Variants in MYLK observed in about 807,000 individuals in gnomAD.
MYLK encodes the protein myosin light chain kinase, smooth muscle.
MYLK carries 106 observed loss-of-function variants against 203.4 expected under a neutral mutation model. The observed-to-expected ratio is 0.52, with a 90% CI of 0.45 to 0.61. The LOEUF (loss-of-function observed/expected upper bound fraction) is 0.61. Ranked by LOEUF, MYLK falls within the 20% of genes least tolerant of loss-of-function variation. The probability of loss-of-function intolerance (pLI) is 0.00; values close to 1 mark genes in which losing one functional copy is unlikely to be tolerated. For synonymous variants in MYLK, 867 were observed against 959.5 expected (o/e 0.90, Z 1.78); for missense variants, 2,072 against 2,442.3 (o/e 0.85, Z 3.20).
intron 18 of MYLK, among the ~76,000 whole-genome samples, chr3:123,697,090 T>C (rs149953465): frequency 3.3e-4 from 51 of 152,328 alleles, no homozygotes; most frequent in African/African-American, 1.2e-3. Flanking sequence ...GCTGTAACAA[T>C]TTTATCACTG....
chr3:123,710,198 A>C (rs1259404896), intron 13 of MYLK, among the ~76,000 whole-genome samples: 1 of 152,210 alleles, frequency 6.6e-6, no homozygotes, highest in African/African-American at 2.4e-5. Context: ...CACATGGCAC[A>C]AAATTCAAAA....
chr3:123,668,115 C>T (rs1316025977), intron 20 of MYLK, among the ~76,000 whole-genome samples: 2 of 152,216 alleles, frequency 1.3e-5, no homozygotes, highest in Non-Finnish European at 2.9e-5. Context: ...ATATAGTGCA[C>T]GTGCGAAAAC....
chr3:123,876,194 TA>T (rs926248190), intron 2 of MYLK, among the ~76,000 whole-genome samples: 1 of 151,194 alleles, frequency 6.6e-6, no homozygotes. Context: ...ATTTTTTTTT[TA>T]AAAAAACTAT....
intron 4 of MYLK, among the ~76,000 whole-genome samples, chr3:123,780,098 C>T (rs1293220302): frequency 6.6e-6 from 1 of 152,184 alleles, no homozygotes; most frequent in Non-Finnish European, 1.5e-5. Flanking sequence ...GGTAAGCATG[C>T]TCATAAAACC....
intron 2 of MYLK, among the ~76,000 whole-genome samples, chr3:123,833,263 A>T (rs74668764): frequency 6.6e-6 from 1 of 152,296 alleles, no homozygotes; most frequent in East Asian, 1.9e-4. Context: ...CATGTCTCAT[A>T]AGCTAATCCA....
At chr3:123,772,755 T>TA in intron 4 of MYLK, among the ~76,000 whole-genome samples, 1 of 151,940 alleles carries the variant, frequency 6.6e-6, no homozygotes, top group Non-Finnish European at 1.5e-5. Context: ...GCCAAACATA[T>TA]AAAAATGTTT....
chr3:123,704,879 C>T (rs776102983), intron 16 of MYLK, among the ~76,000 whole-genome samples: 7 of 152,010 alleles, frequency 4.6e-5, no homozygotes, highest in Non-Finnish European at 1.0e-4. Flanking sequence ...AAGATCGTGC[C>T]ACTGCACTCC....
intron 5 of MYLK, among the ~76,000 whole-genome samples, chr3:123,748,446 G>A (rs1450073878): frequency 6.6e-6 from 1 of 152,178 alleles, no homozygotes; most frequent in African/African-American, 2.4e-5. Flanking sequence ...TGTAAACCTT[G>A]TTTATTCCTA....
At chr3:123,776,450 T>G (rs1038319690) in intron 4 of MYLK, among the ~76,000 whole-genome samples, 2 of 152,164 alleles carry the variant, frequency 1.3e-5, no homozygotes, top group Non-Finnish European at 2.9e-5. Context: ...GAAATAATAT[T>G]AAATATGGAA....
chr3:123,849,851 A>G (rs2030529739), intron 2 of MYLK, among the ~76,000 whole-genome samples: 1 of 151,996 alleles, frequency 6.6e-6, no homozygotes, highest in Non-Finnish European at 1.5e-5. Context: ...CCATTAACTC[A>G]TCATTTACAT....
rs371846511 is a variant in MYLK at position 123,613,909 on chromosome 3, A to T, written c.*196T>A. 1.7e-5 allele frequency: 11 copies of T among 635,662 alleles called. 1 individual carries two copies. The highest frequency in any genetic ancestry group is 1.3e-4 in the African/African-American group (7 of 54,566). 39.4% of individuals were successfully genotyped at this position (635,662 alleles called of 1,614,324 possible). A position where few individuals can be genotyped will look rare whatever the true frequency, so the allele number is the denominator to read the frequency against. On this transcript the variant is annotated 3_prime_UTR_variant, in exon 34 of 34. Coordinates refer to ENST00000360304, the MANE Select transcript of MYLK (RefSeq NM_053025.4). ...GCTGCACTAGTATCTTAAGGTGCCA[A>T]CTAACATAGATTAATGCCCATCAAT... is the stretch of plus-strand genomic sequence containing the variant.
chr3:123,834,140 T>C (rs1275494479), intron 2 of MYLK, among the ~76,000 whole-genome samples: 1 of 152,152 alleles, frequency 6.6e-6, no homozygotes, highest in African/African-American at 2.4e-5. Flanking sequence ...CTGCCTCCCA[T>C]GTTCAAGTGA....
chr3:123,787,566 C>T (rs977844816), intron 4 of MYLK, among the ~76,000 whole-genome samples: 2 of 152,074 alleles, frequency 1.3e-5, no homozygotes, highest in African/African-American at 2.4e-5. Context: ...ACGGTCATCG[C>T]GTTCAAGGAA....
chr3:123,840,370 T>TTATATATATATA (rs56361020), intron 2 of MYLK, among the ~76,000 whole-genome samples: 26 of 148,712 alleles, frequency 1.7e-4, no homozygotes, highest in African/African-American at 5.9e-4. Flanking sequence ...CCTACAGACA[T>TTATATATATATA]TATATATATA....
chr3:123,774,031 C>T (rs1448656088), intron 4 of MYLK, among the ~76,000 whole-genome samples: 2 of 152,164 alleles, frequency 1.3e-5, no homozygotes, highest in African/African-American at 2.4e-5. Context: ...TGGGGCTGAG[C>T]TCAGTCCACT....
chr3:123,786,535 G>A (rs1368316395), intron 4 of MYLK, among the ~76,000 whole-genome samples: 1 of 110,178 alleles, frequency 9.1e-6, no homozygotes, highest in Non-Finnish European at 1.8e-5. Flanking sequence ...GGTGGGGGAG[G>A]AGGGGGGGAT....
intron 19 of MYLK, chr3:123,692,495 G>T: frequency 1.0e-6 from 1 of 976,952 alleles, no homozygotes; most frequent in Non-Finnish European, 1.4e-6. Context: ...GACTGGGAGG[G>T]GGACAGGACA....
chr3:123,834,421 G>A (rs2066424868), intron 2 of MYLK, among the ~76,000 whole-genome samples: 1 of 152,028 alleles, frequency 6.6e-6, no homozygotes, highest in South Asian at 2.1e-4. Context: ...GATTTTTGCA[G>A]GGATCTAAAG....
intron 4 of MYLK, among the ~76,000 whole-genome samples, chr3:123,774,194 C>T (rs2063981372): frequency 6.6e-6 from 1 of 152,222 alleles, no homozygotes; most frequent in African/African-American, 2.4e-5. Flanking sequence ...ATCAAACCCA[C>T]AATTAAGTAA....
Sources: gnomAD v4.1 joint callset for allele counts (sites outside exome capture counted in the v4.1 genomes callset) on GRCh38, gnomAD v4.1.1 for gene constraint, MANE v1.5 for transcripts, NCBI Gene and HGNC (gene_info 2026-07-23, HGNC 2026-07-21) for gene names.